BOC: variants seen among roughly 807,000 people sequenced by gnomAD.
BOC encodes the protein brother of CDO.
BOC carries 76 observed loss-of-function variants against 112.0 expected under a neutral mutation model. The ratio of observed to expected loss-of-function variants is 0.68; its 90% CI spans 0.56 to 0.82. The LOEUF is 0.82. BOC is among the 40% of genes least tolerant of loss of function. The pLI, the probability that BOC is intolerant of heterozygous loss-of-function variation, is 0.00. For synonymous variants in BOC, 580 were observed against 599.8 expected, an observed-to-expected ratio of 0.97 and a Z score of 0.48; for missense variants, 1,309 against 1,511.7, an observed-to-expected ratio of 0.87 and a Z score of 2.22.
In BOC at chr3:113,278,410, A is replaced by T. The variant is rs1948862150; in HGVS notation, c.1705+153A>T. On this transcript the variant is annotated intron_variant, in intron 10 of 19. Transcript: ENST00000682979. This position sits in a 1 kb window ranked among gnomAD's most constrained non-coding sequence, Gnocchi z 4.2. ...ACTGCCTCCTTGTGGTTTGTGTGCT[A>T]GGCTGAGGTCCCAGCTCTCATCAGG... 1.3e-5 allele frequency among the ~76,000 whole-genome samples: 2 copies of T among 152,164 alleles called. No homozygotes were observed. Among genetic ancestry groups the T allele is most frequent in the South Asian group, 4.2e-4 (2 of 4,814 alleles).
chr3:113,221,478 G>A (rs369655174), intron 2 of BOC, among the ~76,000 whole-genome samples: 3 of 152,304 alleles, frequency 2.0e-5, no homozygotes, highest in South Asian at 4.1e-4. Flanking sequence ...CTTCCCCTCT[G>A]CTTCTTCCCC....
rs1948343923 is a variant in BOC, at chr3:113,273,338, C to A, written c.1231C>A (p.Pro411Thr). 3 of 1,587,992 alleles carry A rather than the reference C, an allele frequency of 1.9e-6. No homozygotes were observed. Among genetic ancestry groups the A allele is most frequent in the Non-Finnish European group, 2.6e-6 (3 of 1,159,696 alleles). ...CGTAGTCCAGCTGCGGACCTCCAGG[C>A]CAAGTGAGTGTAGCCCAGGGGTCTG... ...HAVVQLRTSR[P>T]SITPRLWQDA... Residue 411 changes from proline (P) to threonine (T), a missense_variant, in exon 8 of 20, where the codon CCA (proline) becomes ACA (threonine). Coordinates refer to ENST00000682979, the MANE Select transcript of BOC (RefSeq NM_001378074.1).
intron 2 of BOC, among the ~76,000 whole-genome samples, chr3:113,236,893 A>G (rs1222088736): frequency 6.6e-6 from 1 of 152,214 alleles, no homozygotes; most frequent in African/African-American, 2.4e-5. Context: ...GCTTTTGCGC[A>G]TTATCTTACT....
intron 2 of BOC, among the ~76,000 whole-genome samples, chr3:113,227,759 A>T (rs891001107): frequency 7.2e-5 from 11 of 152,198 alleles, no homozygotes; most frequent in Non-Finnish European, 1.3e-4. Context: ...TAAAAAAAAA[A>T]CTTTACCCTT....
intron 4 of BOC, among the ~76,000 whole-genome samples, chr3:113,255,569 G>GCTAC (rs1221211049): frequency 6.6e-6 from 1 of 152,206 alleles, no homozygotes; most frequent in Non-Finnish European, 1.5e-5. Flanking sequence ...TAACCAGGTA[G>GCTAC]CTACCTATAA....
In BOC at chr3:113,278,834, C is replaced by A; in HGVS notation, c.1816+51C>A. On this transcript the variant is annotated intron_variant, in intron 11 of 19. Coordinates refer to ENST00000682979, the MANE Select transcript of BOC (RefSeq NM_001378074.1). The surrounding 1 kb of genome is among the most constrained non-coding windows in gnomAD (Gnocchi z 4.2). ...CGCGCAGTCAGGACTGGAACTGCCT[C>A]AGAGGCCTGTTCCCATGGCTGAATG... is the stretch of plus-strand genomic sequence containing the variant. The A allele has an allele frequency of 6.8e-7, 1 of 1,479,006 alleles. No individual in the cohort carries two copies. Among genetic ancestry groups the A allele is most frequent in the Non-Finnish European group, 9.2e-7 (1 of 1,082,502 alleles). 91.6% of individuals were successfully genotyped at this position (1,479,006 alleles called of 1,614,324 possible).
chr3:113,216,141 A>T, intron 1 of BOC, 46 bp from the exon 2 acceptor site: 1 of 438,464 alleles, frequency 2.3e-6, no homozygotes, highest in Middle Eastern at 3.3e-4. Context: ...ATACTTCAGA[A>T]CTGTTTATTT....
At chr3:113,281,561 G>A (rs1421881043) in intron 15 of BOC, among the ~76,000 whole-genome samples, 4 of 152,200 alleles carry the variant, frequency 2.6e-5, no homozygotes, top group African/African-American at 4.8e-5. Context: ...GCCGGTTAGG[G>A]GTAGAGCATG....
At chr3:113,286,574 T>C (rs1266536909) in intron 19 of BOC, 101 bp from the exon 20 acceptor site, 18 of 1,101,164 alleles carry the variant, frequency 1.6e-5, no homozygotes, top group Non-Finnish European at 2.3e-5. Context: ...CCAGAGCCAG[T>C]GTAACCACCT....
rs1013977968 is a variant in BOC at position 113,223,375 on chromosome 3, C to G, written c.-82+7101C>G. ...TTTCCCCCAATCACTTAACCCCCAC[C>G]AGGGTCCCCTATTATTAACATCTTA... On this transcript the variant is annotated intron_variant, in intron 2 of 19. Coordinates refer to ENST00000682979, the MANE Select transcript of BOC (RefSeq NM_001378074.1). Among the ~76,000 whole-genome samples the G allele has an allele frequency of 5.9e-5, 9 of 152,320 alleles. No individual in the cohort carries two copies. The East Asian group carries it at 1.7e-3, about 29-fold the overall frequency.
In BOC at chr3:113,274,621, G is replaced by A. The variant is rs748131168; in HGVS notation, c.1481G>A (p.Arg494Gln). ...ACAGACTCATATGAACTGGTGTGGC[G>A]GCCTCGGCATGAGGGCAGTGGCCGG... ...SKTDSYELVW[R>Q]PRHEGSGRAP... The change falls in exon 9 of 20, where the codon CGG (arginine) becomes CAG (glutamine). Residue 494 changes from arginine to glutamine, a missense_variant. Physicochemically the swap from Arg to Gln is conservative, Grantham distance 43 (BLOSUM62 1). Coordinates refer to ENST00000682979, the MANE Select transcript of BOC (RefSeq NM_001378074.1). The surrounding 1 kb of genome is among the most constrained non-coding windows in gnomAD (Gnocchi z 4.8). 2.5e-6 allele frequency: 4 copies of A among 1,611,350 alleles called. No individual in the cohort carries two copies. The highest frequency in any genetic ancestry group is 3.4e-6 in the Non-Finnish European group (4 of 1,178,220).
At position 113,278,582 on chromosome 3, in the gene BOC, G is replaced by A. The variant is rs1386310358; in HGVS notation, c.1706-91G>A. 7.8e-6 allele frequency: 9 copies of A among 1,153,158 alleles called. No individual in the cohort carries two copies. Among genetic ancestry groups the A allele is most frequent in the East Asian group, 2.6e-5 (1 of 38,810 alleles). 71.4% of individuals were successfully genotyped at this position (1,153,158 alleles called of 1,614,324 possible). On this transcript the variant is annotated intron_variant, in intron 10 of 19. Transcript: ENST00000682979. This position sits in a 1 kb window ranked among gnomAD's most constrained non-coding sequence, Gnocchi z 4.2. Reference sequence around the variant, plus strand: ...CTTATTTGCATCACTTTGTCATGCCGCTTAGCAGAGTCTCAGGCAAAAAGG... The same window carrying A: ...CTTATTTGCATCACTTTGTCATGCCACTTAGCAGAGTCTCAGGCAAAAAGG...
At chr3:113,229,093 C>T (rs972479188) in intron 2 of BOC, among the ~76,000 whole-genome samples, 28 of 152,120 alleles carry the variant, frequency 1.8e-4, no homozygotes, top group Non-Finnish European at 3.7e-4. Context: ...GGAAGGAGTG[C>T]GGCTGCAGCT....
intron 4 of BOC, 55 bp from the exon 5 acceptor site, chr3:113,268,244 A>G (rs1012334805): frequency 1.0e-5 from 16 of 1,605,508 alleles, no homozygotes; most frequent in Non-Finnish European, 1.3e-5. Flanking sequence ...CCACCCTGAA[A>G]TGTCACACTT....
Position 113,283,474 on chromosome 3 carries a change from C to T in BOC, c.2498C>T (p.Pro833Leu). 6.2e-7 allele frequency: 1 copy of T among 1,614,082 alleles called. No individual in the cohort carries two copies. Among genetic ancestry groups the T allele is most frequent in the Non-Finnish European group, 8.5e-7 (1 of 1,179,956 alleles). Residue 833 changes from proline (P) to leucine (L), a missense_variant, in exon 16 of 20, where the codon CCC becomes CTC. By Grantham distance (98) the Pro-to-Leu change is moderately conservative. Transcript: ENST00000682979. The stretch of plus-strand genomic sequence containing the variant: ...CCAACTCTGGCCCCACCACAGCCGC[C>T]CCTTCCTGAAACCATAGAGCGGCCG... ...PPPTLAPPQP[P>L]LPETIERPVG...
At chr3:113,281,262 T>C in intron 15 of BOC, 109 bp downstream of exon 15, 2 of 1,330,952 alleles carry the variant, frequency 1.5e-6, no homozygotes, top group African/African-American at 1.5e-5. Context: ...AGGAAGACTC[T>C]TTGTTTTCCA....
intron 4 of BOC, among the ~76,000 whole-genome samples, chr3:113,264,707 G>A (rs1378843371): frequency 6.6e-6 from 1 of 152,118 alleles, no homozygotes; most frequent in African/African-American, 2.4e-5. Flanking sequence ...CTGATTTTCA[G>A]ATCATTCATC....
intron 2 of BOC, among the ~76,000 whole-genome samples, chr3:113,227,569 T>C (rs1941870507): frequency 6.6e-6 from 1 of 152,138 alleles, no homozygotes; most frequent in Admixed American, 6.5e-5. Context: ...TGCAGAACCC[T>C]CTTTTCCACC....
intron 2 of BOC, among the ~76,000 whole-genome samples, chr3:113,231,796 A>G (rs1942653912): frequency 6.6e-6 from 1 of 151,818 alleles, no homozygotes; most frequent in South Asian, 2.1e-4. Context: ...CCCCTCTGCC[A>G]CTGTAACCTT....
Sources: gnomAD v4.1 joint callset for allele counts (sites outside exome capture counted in the v4.1 genomes callset) on GRCh38, gnomAD v4.1.1 for gene constraint, Gnocchi (gnomAD v3.1) non-coding constraint, MANE v1.5 for transcripts, NCBI Gene and HGNC (gene_info 2026-07-23, HGNC 2026-07-21) for gene names.